The following SRGAP3 variants were observed in gnomAD, a reference collection of about 807,000 sequenced individuals.
SRGAP3 encodes SLIT-ROBO Rho GTPase-activating protein 3.
Under a neutral mutation model 121.1 loss-of-function variants are expected in SRGAP3, and 39 were observed. The observed-to-expected ratio is 0.32, with a 90% CI of 0.25 to 0.42. SRGAP3 has a LOEUF of 0.42. Among genes scored for constraint, SRGAP3 ranks in the 10% least tolerant of loss-of-function variants. SRGAP3 has a pLI of 1.00. For missense variants in SRGAP3, 1,213 were observed against 1,470.6 expected, an observed-to-expected ratio of 0.82 and a Z score of 2.86; for synonymous variants, 601 against 570.0, an observed-to-expected ratio of 1.05 and a Z score of -0.77.
intron 3 of SRGAP3, among the ~76,000 whole-genome samples, chr3:9,088,155 A>C (rs1011612639): frequency 6.6e-6 from 1 of 152,144 alleles, no homozygotes; most frequent in Non-Finnish European, 1.5e-5. Flanking sequence ...TAGGAACCTA[A>C]GTGATAATGT....
At chr3:9,311,324 G>A (rs186799504) in intron 3 of SRGAP3, among the ~76,000 whole-genome samples, 1 of 152,314 alleles carries the variant, frequency 6.6e-6, no homozygotes, top group East Asian at 1.9e-4. Flanking sequence ...TTCAATACAC[G>A]TAAAGTGCAA....
intron 1 of SRGAP3, among the ~76,000 whole-genome samples, chr3:9,231,043 G>A (rs777791165): frequency 6.6e-6 from 1 of 152,104 alleles, no homozygotes; most frequent in Non-Finnish European, 1.5e-5. Context: ...GGTCTTGGAG[G>A]TACCACAGCC....
intron 3 of SRGAP3, among the ~76,000 whole-genome samples, chr3:9,284,204 T>C (rs1271524588): frequency 6.6e-6 from 1 of 152,092 alleles, no homozygotes. Flanking sequence ...GAAACAACCA[T>C]CCTACTTCGG....
chr3:9,174,474 T>C (rs1478415405), intron 1 of SRGAP3, among the ~76,000 whole-genome samples: 1 of 149,106 alleles, frequency 6.7e-6, no homozygotes, highest in Non-Finnish European at 1.5e-5. Context: ...GTGGAGGGAG[T>C]AGGGAAGGAG....
intron 1 of SRGAP3, among the ~76,000 whole-genome samples, chr3:9,222,724 G>A (rs1352462411): frequency 3.9e-5 from 6 of 152,092 alleles, no homozygotes. Flanking sequence ...TATCATGGTC[G>A]CACTGATACC....
intron 1 of SRGAP3, among the ~76,000 whole-genome samples, chr3:9,133,052 A>C (rs1575122061): frequency 6.7e-6 from 1 of 148,724 alleles, no homozygotes; most frequent in East Asian, 1.9e-4. Context: ...TATATTATAT[A>C]GATCTATATA....
intron 21 of SRGAP3, among the ~76,000 whole-genome samples, chr3:8,989,236 T>C (rs566731295): frequency 9.2e-5 from 14 of 152,366 alleles, no homozygotes; most frequent in Admixed American, 6.5e-4. Flanking sequence ...GGTAGAACTT[T>C]CTAGACTGGT....
chr3:9,126,784 G>A (rs1168693085), intron 1 of SRGAP3, among the ~76,000 whole-genome samples: 2 of 152,052 alleles, frequency 1.3e-5, no homozygotes, highest in Non-Finnish European at 2.9e-5. Context: ...GTGAGGGGGT[G>A]GGAGGGAGGT....
intron 1 of SRGAP3, among the ~76,000 whole-genome samples, chr3:9,234,103 T>A (rs1347362627): frequency 4.6e-5 from 7 of 152,116 alleles, no homozygotes; most frequent in Non-Finnish European, 4.4e-5. Context: ...AGGCCAAGGA[T>A]GGAGCCCTAG....
intron 1 of SRGAP3, among the ~76,000 whole-genome samples, chr3:9,153,961 A>G (rs747298920): frequency 2.6e-5 from 4 of 152,046 alleles, no homozygotes; most frequent in Admixed American, 6.6e-5. Flanking sequence ...CTCACGATCC[A>G]GCTTCCCCCC....
intron 3 of SRGAP3, among the ~76,000 whole-genome samples, chr3:9,313,203 G>A (rs1052673989): frequency 1.3e-5 from 2 of 152,082 alleles, no homozygotes; most frequent in Non-Finnish European, 2.9e-5. Flanking sequence ...ACTTGCTGTT[G>A]CATTCACCTG....
At chr3:9,348,246 G>A (rs1007641989) in intron 1 of SRGAP3, among the ~76,000 whole-genome samples, 7 of 152,158 alleles carry the variant, frequency 4.6e-5, no homozygotes, top group Non-Finnish European at 8.8e-5. Flanking sequence ...ATCTATGAGA[G>A]TCCCTGGCAG....
chr3:9,343,437 C>T (rs1955827528), intron 1 of SRGAP3, among the ~76,000 whole-genome samples: 1 of 152,232 alleles, frequency 6.6e-6, no homozygotes, highest in Non-Finnish European at 1.5e-5. Context: ...CAGTCTCTCT[C>T]ATTCACATTC....
At chr3:9,061,767 G>T (rs1946183374) in intron 5 of SRGAP3, among the ~76,000 whole-genome samples, 1 of 152,116 alleles carries the variant, frequency 6.6e-6, no homozygotes, top group East Asian at 1.9e-4. Flanking sequence ...GGAGAGGTGG[G>T]GTGGGGCAGC....
At chr3:9,362,320 C>T (rs565749722) in intron 1 of SRGAP3, among the ~76,000 whole-genome samples, 1 of 151,450 alleles carries the variant, frequency 6.6e-6, no homozygotes, top group African/African-American at 2.4e-5. Flanking sequence ...CAGGCCACCA[C>T]ATCCAGCTAA....
intron 5 of SRGAP3, among the ~76,000 whole-genome samples, chr3:9,063,379 T>G (rs963248988): frequency 3.9e-5 from 6 of 152,182 alleles, no homozygotes; most frequent in African/African-American, 1.4e-4. Context: ...TCTGACCACC[T>G]TGGCCTCCCA....
At position 8,992,921 on chromosome 3, in the gene SRGAP3, C is replaced by A. The variant is rs150617309; in HGVS notation, c.2543G>T (p.Gly848Val). Residue 848 changes from glycine to valine, a missense_variant, in exon 20 of 22, where the codon GGG (glycine) becomes GTG (valine). This residue lies in a region of SRGAP3 where 420 missense variants were observed against 437.7 expected (regional missense o/e 0.96). Coordinates refer to ENST00000383836, the MANE Select transcript of SRGAP3 (RefSeq NM_014850.4). ...PTEHISDYGF[G>V]GVMGRVRLRS... The stretch of plus-strand genomic sequence containing the variant: ...CATATCCTACCGGCCCATCACCCCC[C>A]CAAAGCCGTAATCCGAGATGTGCTC... 326 of 1,614,236 alleles carry A rather than the reference C, an allele frequency of 2.0e-4. No homozygotes were observed. The highest frequency in any genetic ancestry group is 8.2e-4 in the Admixed American group (49 of 60,034).
intron 1 of SRGAP3, among the ~76,000 whole-genome samples, chr3:9,350,845 T>C (rs996840938): frequency 2.0e-5 from 3 of 152,170 alleles, no homozygotes; most frequent in Admixed American, 6.5e-5. Context: ...ATAGATACCA[T>C]TAACTGAGAA....
intron 2 of SRGAP3, among the ~76,000 whole-genome samples, chr3:9,117,982 A>T (rs192244404): frequency 1.8e-3 from 270 of 151,698 alleles, no homozygotes; most frequent in South Asian, 6.9e-3. Context: ...TTTTTTTTTT[A>T]AATTTCAGAT....
Sources: allele counts gnomAD v4.1 joint callset (sites outside exome capture counted in the v4.1 genomes callset), GRCh38; gene constraint gnomAD v4.1.1; regional missense constraint gnomAD v4.1.1; transcripts MANE v1.5; gene names NCBI Gene and HGNC (gene_info 2026-07-23, HGNC 2026-07-21).